The following DNAH11 variants were observed in gnomAD, a reference collection of about 807,000 sequenced individuals.
DNAH11 encodes dynein axonemal heavy chain 11, also known as axonemal beta dynein heavy chain 11.
A neutral mutation model predicts 526.0 loss-of-function variants in DNAH11; 442 were observed. That is an observed-to-expected ratio of 0.84 (90% CI 0.78 to 0.91). DNAH11 has a LOEUF of 0.91. Among genes scored for constraint, DNAH11 ranks in the 40% least tolerant of loss-of-function variants. The pLI is 0.00. For synonymous variants in DNAH11, 2,461 were observed against 1,935.9 expected (o/e 1.27, Z -7.12); for missense variants, 6,989 against 5,448.7 (o/e 1.28, Z -8.90).
intron 56 of DNAH11, among the ~76,000 whole-genome samples, chr7:21,776,877 A>G (rs1228138203): frequency 6.6e-6 from 1 of 152,180 alleles, no homozygotes; most frequent in Non-Finnish European, 1.5e-5. Flanking sequence ...TGCCAAAACC[A>G]GGAAAGTGGC....
At chr7:21,612,447 CAG>C (rs1458167742) in intron 20 of DNAH11, among the ~76,000 whole-genome samples, 2 of 149,914 alleles carry the variant, frequency 1.3e-5, no homozygotes, top group Admixed American at 6.7e-5. Context: ...CCCAGCTACT[CAG>C]GGGGCTGAAG....
chr7:21,626,943 G>A (rs561655231), intron 25 of DNAH11, among the ~76,000 whole-genome samples: 3 of 151,688 alleles, frequency 2.0e-5, no homozygotes, highest in Non-Finnish European at 4.4e-5. Flanking sequence ...GTAGAGATGG[G>A]GTTTCACTGT....
At chr7:21,588,258 A>G in intron 10 of DNAH11, 57 bp downstream of exon 10, 1 of 1,552,808 alleles carries the variant, frequency 6.4e-7, no homozygotes, top group African/African-American at 1.4e-5. Context: ...GATAATGACC[A>G]TCAACTAGAA....
At chr7:21,663,003 C>T (rs1343127789) in intron 30 of DNAH11, among the ~76,000 whole-genome samples, 3 of 151,950 alleles carry the variant, frequency 2.0e-5, no homozygotes, top group Non-Finnish European at 2.9e-5. Context: ...TCCCAGTCTC[C>T]GTTGTCTGTC....
chr7:21,642,356 G>A (rs539694722), intron 28 of DNAH11, among the ~76,000 whole-genome samples: 1 of 152,022 alleles, frequency 6.6e-6, no homozygotes, highest in Non-Finnish European at 1.5e-5. Context: ...AGCCATAGTC[G>A]GCTTCTTTCC....
chr7:21,592,403 G>A (rs548197191), intron 14 of DNAH11, among the ~76,000 whole-genome samples: 3 of 152,186 alleles, frequency 2.0e-5, no homozygotes, highest in Non-Finnish European at 4.4e-5. Context: ...CTTTGAGGCA[G>A]GAGCAGCCTG....
At chr7:21,877,021 G>T (rs978272604) in intron 74 of DNAH11, among the ~76,000 whole-genome samples, 4 of 152,286 alleles carry the variant, frequency 2.6e-5, no homozygotes, top group African/African-American at 9.6e-5. Context: ...GGGGTGTTCT[G>T]TGTTGCTGCT....
intron 45 of DNAH11, among the ~76,000 whole-genome samples, chr7:21,733,557 T>C (rs904111337): frequency 2.0e-5 from 3 of 152,236 alleles, no homozygotes; most frequent in African/African-American, 4.8e-5. Flanking sequence ...CCAAGACTGC[T>C]GAAGACCTGA....
intron 9 of DNAH11, among the ~76,000 whole-genome samples, chr7:21,584,948 TA>T (rs3840996): frequency 7.0e-6 from 1 of 143,854 alleles, no homozygotes; most frequent in African/African-American, 3.0e-5. Flanking sequence ...TACAAATAAC[TA>T]AAAAAAATGT....
intron 44 of DNAH11, among the ~76,000 whole-genome samples, chr7:21,721,599 T>C (rs916284957): frequency 6.6e-6 from 1 of 152,196 alleles, no homozygotes; most frequent in African/African-American, 2.4e-5. Context: ...TGTGTCCCCA[T>C]GTGACAGAGA....
intron 54 of DNAH11, among the ~76,000 whole-genome samples, chr7:21,756,074 A>C (rs966015916): frequency 1.3e-5 from 2 of 151,982 alleles, no homozygotes; most frequent in African/African-American, 4.8e-5. Context: ...AAAAATGTTA[A>C]ATTTTTATTT....
chr7:21,834,408 T>C (rs937131080), intron 65 of DNAH11, among the ~76,000 whole-genome samples: 1 of 152,050 alleles, frequency 6.6e-6, no homozygotes, highest in Non-Finnish European at 1.5e-5. Context: ...AAACTACCCA[T>C]GGTTATGCCT....
intron 66 of DNAH11, among the ~76,000 whole-genome samples, chr7:21,850,158 C>T (rs1033344152): frequency 1.3e-5 from 2 of 151,360 alleles, no homozygotes; most frequent in Admixed American, 6.6e-5. Context: ...AGATTGAGAC[C>T]ATCCTGGCTA....
chr7:21,873,187 G>C (rs1783565715), intron 73 of DNAH11, 87 bp from the exon 74 acceptor site: 3 of 1,172,650 alleles, frequency 2.6e-6, no homozygotes, highest in Non-Finnish European at 2.4e-6. Flanking sequence ...TGAGTTTTCA[G>C]TGCAATTATA....
chr7:21,739,518 C>A, intron 47 of DNAH11, 53 bp from the exon 48 acceptor site: 1 of 1,424,390 alleles, frequency 7.0e-7, no homozygotes, highest in Non-Finnish European at 9.8e-7. Flanking sequence ...TTAGATTTTG[C>A]TCTTTTGTCA....
chr7:21,689,945 C>T (rs1444531243), intron 34 of DNAH11, among the ~76,000 whole-genome samples: 1 of 152,294 alleles, frequency 6.6e-6, no homozygotes, highest in Non-Finnish European at 1.5e-5. Flanking sequence ...CAGCAGCAAC[C>T]CACTTGGGTC....
In DNAH11 at chr7:21,807,951, C is replaced by A; in HGVS notation, c.10234C>A (p.Leu3412Ile). ...AQEKTLCGDVLLTAAFVSYVG... is the reference protein window; with the variant it reads ...AQEKTLCGDVILTAAFVSYVG... ...AGAGAAGACACTCTGTGGAGATGTTCTTCTCACGGCGGCATTTGTGTCTTA... is the reference window on the plus strand; with the variant it reads ...AGAGAAGACACTCTGTGGAGATGTTATTCTCACGGCGGCATTTGTGTCTTA... Residue 3412 changes from leucine (L) to isoleucine (I), a missense_variant, in exon 63 of 82, where the codon CTT (leucine) becomes ATT (isoleucine). Transcript: ENST00000409508. 6.2e-7 allele frequency: 1 copy of A among 1,609,262 alleles called. No individual in the cohort carries two copies. The highest frequency in any genetic ancestry group is 8.5e-7 in the Non-Finnish European group (1 of 1,176,806).
intron 40 of DNAH11, among the ~76,000 whole-genome samples, chr7:21,709,374 G>C (rs1420207212): frequency 6.6e-6 from 1 of 152,074 alleles, no homozygotes; most frequent in African/African-American, 2.4e-5. Context: ...CTAAACATTG[G>C]GTACATGTGG....
intron 28 of DNAH11, among the ~76,000 whole-genome samples, chr7:21,644,329 A>G (rs74378546): frequency 4.6e-5 from 7 of 152,330 alleles, no homozygotes; most frequent in East Asian, 1.9e-4. Flanking sequence ...GTGTCTCAGC[A>G]TATGAATTTT....
Sources: allele counts gnomAD v4.1 joint callset (sites outside exome capture counted in the v4.1 genomes callset), GRCh38; gene constraint gnomAD v4.1.1; transcripts MANE v1.5; gene names NCBI Gene and HGNC (gene_info 2026-07-23, HGNC 2026-07-21).